The following CAST variants were observed in gnomAD, a reference collection of about 807,000 sequenced individuals.
CAST encodes calpastatin, also known as MIR583 host.
A neutral mutation model predicts 119.6 loss-of-function variants in CAST; 76 were observed. That is an observed-to-expected ratio of 0.64 (90% CI 0.53 to 0.77). The LOEUF (loss-of-function observed/expected upper bound fraction) is 0.77. Among genes scored for constraint, CAST ranks in the 30% least tolerant of loss-of-function variants. CAST has a pLI of 0.00. For missense variants in CAST, 953 were observed against 946.5 expected (o/e 1.01, Z -0.09); for synonymous variants, 319 against 331.6 (o/e 0.96, Z 0.41).
the CAST span, among the ~76,000 whole-genome samples, chr5:96,114,514 G>T: frequency 6.6e-6 from 1 of 152,160 alleles, no homozygotes; most frequent in Non-Finnish European, 1.5e-5. Context: ...AGTGTTTACG[G>T]GTCAAAGAGG....
At chr5:96,703,286 G>T (rs1754250578) in intron 3 of CAST, among the ~76,000 whole-genome samples, 1 of 152,100 alleles carries the variant, frequency 6.6e-6, no homozygotes, top group Non-Finnish European at 1.5e-5. Context: ...ATGTCAGTTT[G>T]GTTTGGCACC....
intron 1 of CAST, among the ~76,000 whole-genome samples, chr5:96,567,415 C>A (rs1464742831): frequency 6.6e-6 from 1 of 152,156 alleles, no homozygotes; most frequent in African/African-American, 2.4e-5. Flanking sequence ...CCGTCTCTTT[C>A]CTGACCACAA....
At chr5:96,402,139 G>C in the CAST span, among the ~76,000 whole-genome samples, 1 of 152,310 alleles carries the variant, frequency 6.6e-6, no homozygotes, top group African/African-American at 2.4e-5. Flanking sequence ...TACTGGCTCA[G>C]TAATCCCCTG....
chr5:96,695,681 A>T (rs1753198456), intron 2 of CAST, 155 bp from the exon 3 acceptor site: 1 of 478,266 alleles, frequency 2.1e-6, no homozygotes, highest in Admixed American at 3.4e-5. Context: ...CAGGCAAAGT[A>T]ACGAAAAATT....
chr5:96,225,528 G>C, the CAST span, among the ~76,000 whole-genome samples: 1 of 152,124 alleles, frequency 6.6e-6, no homozygotes, highest in Non-Finnish European at 1.5e-5. Context: ...TTTATGTTGG[G>C]GGGCATTGGG....
At chr5:96,518,126 TC>T in the CAST span, among the ~76,000 whole-genome samples, 6,221 of 152,322 alleles carry the variant, frequency 0.041, 188 homozygotes, top group Non-Finnish European at 0.066. Context: ...AGTCTTTGTC[TC>T]TGAAGTATTT....
chr5:96,468,578 T>C, the CAST span, among the ~76,000 whole-genome samples: 1 of 152,106 alleles, frequency 6.6e-6, no homozygotes, highest in Non-Finnish European at 1.5e-5. Flanking sequence ...TAAATCACCA[T>C]ATTCATAAAA....
At chr5:96,349,884 C>T in the CAST span, among the ~76,000 whole-genome samples, 1 of 152,084 alleles carries the variant, frequency 6.6e-6, no homozygotes, top group South Asian at 2.1e-4. Context: ...AAGGAATAAG[C>T]TAGTGCAGTG....
chr5:96,167,928 T>C, the CAST span, among the ~76,000 whole-genome samples: 130 of 152,196 alleles, frequency 8.5e-4, no homozygotes, highest in Non-Finnish European at 1.5e-3. Context: ...AGTAGTAGAA[T>C]AGCAGATGGA....
chr5:96,175,809 C>G, the CAST span, among the ~76,000 whole-genome samples: 1 of 152,210 alleles, frequency 6.6e-6, no homozygotes, highest in Non-Finnish European at 1.5e-5. Context: ...TTTGCTCAAA[C>G]TTTTGTGATG....
chr5:96,102,293 C>G, the CAST span, among the ~76,000 whole-genome samples: 2 of 152,110 alleles, frequency 1.3e-5, no homozygotes, highest in East Asian at 3.9e-4. Context: ...GGGGACAGGA[C>G]GGGCAGATAA....
chr5:96,515,296 C>CAATATTGGGGA, the CAST span, among the ~76,000 whole-genome samples: 1 of 143,004 alleles, frequency 7.0e-6, no homozygotes, highest in African/African-American at 2.5e-5. Flanking sequence ...ATATTGTTCC[C>CAATATTGGGGA]ACAATGTTTG....
the CAST span, among the ~76,000 whole-genome samples, chr5:96,377,539 A>G: frequency 1.3e-5 from 2 of 152,186 alleles, no homozygotes; most frequent in East Asian, 1.9e-4. Context: ...GTATAGTAAC[A>G]TATTCTACAA....
chr5:96,368,767 A>G, the CAST span, among the ~76,000 whole-genome samples: 1 of 152,092 alleles, frequency 6.6e-6, no homozygotes, highest in East Asian at 1.9e-4. Flanking sequence ...TATCTATTCT[A>G]TTACTTTTCT....
At chr5:96,202,812 A>G in the CAST span, among the ~76,000 whole-genome samples, 1 of 152,096 alleles carries the variant, frequency 6.6e-6, no homozygotes, top group Non-Finnish European at 1.5e-5. Flanking sequence ...AATTCCTCCT[A>G]TAATATTGAC....
chr5:96,073,098 T>G, the CAST span, among the ~76,000 whole-genome samples: 1 of 152,376 alleles, frequency 6.6e-6, no homozygotes, highest in Non-Finnish European at 1.5e-5. Context: ...CATTTAAGTC[T>G]GACTCAAAGT....
the CAST span, among the ~76,000 whole-genome samples, chr5:96,349,857 A>G: frequency 6.6e-6 from 1 of 152,150 alleles, no homozygotes; most frequent in African/African-American, 2.4e-5. Flanking sequence ...AGAGAGAGAA[A>G]TTGAAGGCAA....
At chr5:96,766,498 A>G (rs1029392191) in intron 27 of CAST, among the ~76,000 whole-genome samples, 2 of 152,234 alleles carry the variant, frequency 1.3e-5, no homozygotes, top group Non-Finnish European at 2.9e-5. Flanking sequence ...AGGAGAGCAG[A>G]AAAGGAGCTG....
chr5:96,407,583 T>G, the CAST span, among the ~76,000 whole-genome samples: 4 of 152,192 alleles, frequency 2.6e-5, no homozygotes, highest in African/African-American at 9.6e-5. Flanking sequence ...GACCCAGAAA[T>G]TCCAATTCTG....
Sources: allele counts gnomAD v4.1 joint callset (sites outside exome capture counted in the v4.1 genomes callset), GRCh38; gene constraint gnomAD v4.1.1; transcripts MANE v1.5; gene names NCBI Gene and HGNC (gene_info 2026-07-23, HGNC 2026-07-21).